PADI4: variants seen among roughly 807,000 people sequenced by gnomAD.
The protein encoded by PADI4 is protein-arginine deiminase type-4.
A neutral mutation model predicts 75.0 loss-of-function variants in PADI4; 62 were observed. The ratio of observed to expected loss-of-function variants is 0.83; its 90% CI spans 0.67 to 1.02. The LOEUF is 1.02. Ranked by LOEUF, PADI4 falls within the 50% of genes least tolerant of loss-of-function variation. PADI4 has a pLI of 0.00. For missense variants in PADI4, 845 were observed against 850.5 expected (o/e 0.99, Z 0.08); for synonymous variants, 361 against 348.1 (o/e 1.04, Z -0.41).
intron 1 of PADI4, among the ~76,000 whole-genome samples, chr1:17,330,141 G>A (rs1325970004): frequency 1.3e-5 from 2 of 152,132 alleles, no homozygotes; most frequent in East Asian, 1.9e-4. Flanking sequence ...GCCTACATCT[G>A]TGTGTGTGGG....
In PADI4 at chr1:17,336,708, C is replaced by T. The variant is rs78167936; in HGVS notation, c.408+482C>T. ...GGGATGTGCAGAAAGGGCAGGTGAA[C>T]GCTGTCTTAAACCAGAGTCTGCAGG... On this transcript the variant is annotated intron_variant, in intron 4 of 15. Transcript: ENST00000375448. 4.1e-3 allele frequency among the ~76,000 whole-genome samples: 625 copies of T among 152,276 alleles called. 2 individuals carry two copies. Among genetic ancestry groups the T allele is most frequent in the South Asian group, 0.016 (79 of 4,822 alleles).
At chr1:17,355,923 T>A in intron 11 of PADI4, 60 bp from the exon 12 acceptor site, 1 of 1,601,842 alleles carries the variant, frequency 6.2e-7, no homozygotes, top group Non-Finnish European at 8.5e-7. Flanking sequence ...CCCCTTGTCC[T>A]TCAGGGACTT....
At chr1:17,336,440 T>C (rs1021697215) in intron 4 of PADI4, among the ~76,000 whole-genome samples, 2 of 152,244 alleles carry the variant, frequency 1.3e-5, no homozygotes, top group Admixed American at 6.5e-5. Context: ...TCAGATGTGT[T>C]ATCCTACAAA....
chr1:17,359,833 T>C (rs756616061), intron 15 of PADI4, among the ~76,000 whole-genome samples: 6 of 151,988 alleles, frequency 3.9e-5, no homozygotes, highest in Non-Finnish European at 7.4e-5. Context: ...GGAAAAGGGG[T>C]CAGTGAACCA....
At chr1:17,358,792 C>T (rs754595893) in intron 13 of PADI4, 46 bp from the exon 14 acceptor site, 17 of 1,310,560 alleles carry the variant, frequency 1.3e-5, no homozygotes, top group South Asian at 1.0e-4. Flanking sequence ...AGAGGGAAAT[C>T]GACCTCTAAG....
chr1:17,351,260 C>T (rs12083961), intron 10 of PADI4, among the ~76,000 whole-genome samples: 1 of 148,068 alleles, frequency 6.8e-6, no homozygotes, highest in Non-Finnish European at 1.5e-5. Context: ...AATGGAGGGG[C>T]TCATAGGTGC....
At chr1:17,332,316 G>A (rs144042308) in intron 2 of PADI4, among the ~76,000 whole-genome samples, 2 of 152,036 alleles carry the variant, frequency 1.3e-5, no homozygotes, top group South Asian at 2.1e-4. Flanking sequence ...GTGCAATCTC[G>A]GCTCACTGCA....
chr1:17,338,630 T>A (rs1325355624), intron 5 of PADI4, among the ~76,000 whole-genome samples: 1 of 152,170 alleles, frequency 6.6e-6, no homozygotes, highest in African/African-American at 2.4e-5. Context: ...CTTAAGCAAT[T>A]TGCCCAAGGT....
chr1:17,358,957 G>C, intron 14 of PADI4, 49 bp downstream of exon 14: 1 of 1,303,530 alleles, frequency 7.7e-7, no homozygotes, highest in Non-Finnish European at 1.1e-6. Flanking sequence ...CCCTGTCCCC[G>C]GCTCAGCCAC....
intron 9 of PADI4, among the ~76,000 whole-genome samples, chr1:17,347,179 C>T (rs1228904309): frequency 6.6e-6 from 1 of 152,132 alleles, no homozygotes; most frequent in African/African-American, 2.4e-5. Context: ...TCAGGTGATC[C>T]ACCCACCTCA....
At chr1:17,327,908 C>T (rs1315506168) in intron 1 of PADI4, among the ~76,000 whole-genome samples, 1 of 151,934 alleles carries the variant, frequency 6.6e-6, no homozygotes, top group African/African-American at 2.4e-5. Flanking sequence ...TTTTCTCTTT[C>T]CTTGCTTTTT....
chr1:17,338,190 T>C (rs878863288), intron 5 of PADI4, 35 bp downstream of exon 5: 1 of 1,370,984 alleles, frequency 7.3e-7, no homozygotes, highest in Non-Finnish European at 1.0e-6. Flanking sequence ...GGAAGGGCTT[T>C]TTATAAAGCC....
In PADI4 at chr1:17,346,044, G is replaced by A; in HGVS notation, c.952G>A (p.Asp318Asn). The A allele has an allele frequency of 6.2e-7, 1 of 1,610,500 alleles. No homozygotes were observed. Among genetic ancestry groups the A allele is most frequent in the African/African-American group, 1.3e-5 (1 of 74,958 alleles). The change falls in exon 9 of 16, where the codon GAC becomes AAC. Residue 318 changes from aspartate to asparagine, a missense_variant. Asp to Asn is a conservative substitution (Grantham distance 23). Transcript: ENST00000375448. This position sits in a 1 kb window ranked among gnomAD's most constrained non-coding sequence, Gnocchi z 4.3. ...VYACSIFENE[D>N]FLKSVTTLAM... ...TCTCTCTAGTATTTTTGAAAATGAG[G>A]ACTTCCTGAAGTCAGTGACTACTCT...
intron 10 of PADI4, among the ~76,000 whole-genome samples, chr1:17,354,172 G>C (rs182122509): frequency 1.3e-5 from 2 of 152,068 alleles, no homozygotes; most frequent in East Asian, 3.9e-4. Context: ...CTTGAACCAG[G>C]GGCGGAGGTT....
In PADI4 at chr1:17,356,509, A is replaced by C; in HGVS notation, c.1558+50A>C. The stretch of plus-strand genomic sequence containing the variant: ...CTGTCTGTGCACCTTCCTGCTTCCC[A>C]TAGTCCGCTGTTGCCTGGAGGGAAT... On this transcript the variant is annotated intron_variant, in intron 13 of 15. Coordinates refer to ENST00000375448, the MANE Select transcript of PADI4 (RefSeq NM_012387.3). The surrounding 1 kb of genome is among the most constrained non-coding windows in gnomAD (Gnocchi z 4.1). 9.1e-7 allele frequency: 1 copy of C among 1,102,050 alleles called. No individual in the cohort carries two copies. The highest frequency in any genetic ancestry group is 1.4e-6 in the Non-Finnish European group (1 of 728,736). 68.3% of individuals were successfully genotyped at this position (1,102,050 alleles called of 1,614,324 possible).
chr1:17,326,082 C>T (rs763221479), intron 1 of PADI4, among the ~76,000 whole-genome samples: 1 of 151,740 alleles, frequency 6.6e-6, no homozygotes, highest in Non-Finnish European at 1.5e-5. Context: ...TTTTGTTAAC[C>T]TTTTATCAAC....
At position 17,352,065 on chromosome 1, in the gene PADI4, GGTGGGAA is replaced by G. The variant is rs796973611; in HGVS notation, c.1156-2466_1156-2460del. 9.5e-4 allele frequency among the ~76,000 whole-genome samples: 123 copies of G among 129,016 alleles called. 2 individuals are homozygous for G. Among genetic ancestry groups the G allele is most frequent in the Middle Eastern group, 7.9e-3 (2 of 254 alleles). The allele number at this position is 129,016 out of a possible 152,430, so 84.6% of individuals were successfully genotyped here. ...AGAGGCAGTCAGGGAGGTGATGGGA[GGTGGGAA>G]GAGAGGCAGTCAGGGAGGTGATGGG... On this transcript the variant is annotated intron_variant, in intron 10 of 15. Coordinates refer to ENST00000375448, the MANE Select transcript of PADI4 (RefSeq NM_012387.3).
intron 1 of PADI4, among the ~76,000 whole-genome samples, chr1:17,308,741 C>T (rs910883656): frequency 5.6e-5 from 8 of 142,688 alleles, no homozygotes; most frequent in African/African-American, 2.1e-4. Context: ...TCAGTGGGTG[C>T]ATAATAGCGT....
intron 5 of PADI4, among the ~76,000 whole-genome samples, chr1:17,339,467 T>A (rs1314353243): frequency 6.6e-6 from 1 of 152,180 alleles, no homozygotes; most frequent in East Asian, 1.9e-4. Context: ...CAGCTCATCC[T>A]AGTGGGAGGA....
Sources: gnomAD v4.1 joint callset for allele counts (sites outside exome capture counted in the v4.1 genomes callset) on GRCh38, gnomAD v4.1.1 for gene constraint, Gnocchi (gnomAD v3.1) non-coding constraint, MANE v1.5 for transcripts, NCBI Gene and HGNC (gene_info 2026-07-23, HGNC 2026-07-21) for gene names.